Variants in PKIG observed in about 807,000 individuals in gnomAD.
PKIG encodes the protein cAMP-dependent protein kinase inhibitor gamma.
Under a neutral mutation model 6.8 loss-of-function variants are expected in PKIG, and 1 was observed. The ratio of observed to expected loss-of-function variants is 0.15; its 90% CI spans 0.05 to 0.69. The LOEUF (loss-of-function observed/expected upper bound fraction) is 0.69, where lower values mean the gene tolerates loss of function less well. PKIG is among the 30% of genes least tolerant of loss of function. The probability of loss-of-function intolerance (pLI) is 0.82; values close to 1 mark genes in which losing one functional copy is unlikely to be tolerated. For missense variants in PKIG, 77 were observed against 104.0 expected, an observed-to-expected ratio of 0.74 and a Z score of 1.13; for synonymous variants, 39 against 43.0, an observed-to-expected ratio of 0.91 and a Z score of 0.36.
intron 1 of PKIG, among the ~76,000 whole-genome samples, chr20:44,584,633 T>A (rs2064974923): frequency 6.6e-6 from 1 of 152,148 alleles, no homozygotes; most frequent in Non-Finnish European, 1.5e-5. Context: ...TCAGAGACCC[T>A]AATCCTCAGG....
intron 1 of PKIG, among the ~76,000 whole-genome samples, chr20:44,553,884 T>C (rs2064690362): frequency 6.6e-6 from 1 of 151,786 alleles, no homozygotes; most frequent in Non-Finnish European, 1.5e-5. Context: ...GTTAGGGGAA[T>C]GTGGGGTTGG....
rs1394911747 is a variant in PKIG, at chr20:44,618,415, GA to G, written c.*52del. 1 of 1,265,174 alleles carries G rather than the reference GA, an allele frequency of 7.9e-7. No individual in the cohort carries two copies. The highest frequency in any genetic ancestry group is 1.2e-6 in the Non-Finnish European group (1 of 861,976). 78.4% of individuals were successfully genotyped at this position (1,265,174 alleles called of 1,614,324 possible). On this transcript the variant is annotated 3_prime_UTR_variant, in exon 4 of 4. Coordinates refer to ENST00000372886, the MANE Select transcript of PKIG (RefSeq NM_001281445.2). ...ACGAGAGACCTTCTGTCCCCTCCCA[GA>G]GGGGGAACCCTGGCACTGGCCCAGC... is the stretch of plus-strand genomic sequence containing the variant.
At chr20:44,606,669 C>T (rs559776855) in intron 2 of PKIG, among the ~76,000 whole-genome samples, 175 of 152,156 alleles carry the variant, frequency 1.2e-3, no homozygotes, top group Non-Finnish European at 1.9e-3. Flanking sequence ...ATTAGCTGGG[C>T]GTGGTGGTGC....
At chr20:44,562,620 AG>A (rs1252542947) in intron 1 of PKIG, among the ~76,000 whole-genome samples, 2 of 151,004 alleles carry the variant, frequency 1.3e-5, no homozygotes, top group African/African-American at 4.9e-5. Flanking sequence ...AAAAAAAAAA[AG>A]AGTGCTTAAA....
At chr20:44,577,740 T>C (rs1356079026), upstream of PKIG, among the ~76,000 whole-genome samples, 1 of 152,180 alleles carries the variant, frequency 6.6e-6, no homozygotes, top group Non-Finnish European at 1.5e-5. Flanking sequence ...TGATGAGCGA[T>C]TGCACTGTAC....
chr20:44,564,599 G>C (rs2064795251), intron 1 of PKIG, among the ~76,000 whole-genome samples: 1 of 152,008 alleles, frequency 6.6e-6, no homozygotes, highest in Non-Finnish European at 1.5e-5. Context: ...TAGAGATGGG[G>C]TCTTGCTGTG....
intron 1 of PKIG, among the ~76,000 whole-genome samples, chr20:44,565,039 C>G (rs568959203): frequency 6.6e-6 from 1 of 152,300 alleles, no homozygotes; most frequent in South Asian, 2.1e-4. Flanking sequence ...TACTACTATG[C>G]TACTTGTTCT....
chr20:44,551,986 G>C (rs574681962), intron 1 of PKIG, among the ~76,000 whole-genome samples: 1 of 152,142 alleles, frequency 6.6e-6, no homozygotes, highest in Non-Finnish European at 1.5e-5. Context: ...AATCGGCTAG[G>C]AAATATTCGT....
At chr20:44,596,772 T>A (rs1304988375) in intron 2 of PKIG, among the ~76,000 whole-genome samples, 1 of 152,168 alleles carries the variant, frequency 6.6e-6, no homozygotes. Flanking sequence ...ACTCCCTTAC[T>A]GTCTGAAGGG....
Position 44,593,695 on chromosome 20 carries a change from A to C in PKIG, c.-24+3829A>C, listed in dbSNP as rs550619995. On this transcript the variant is annotated intron_variant, in intron 2 of 3. Transcript: ENST00000372886. ...TGGCGACCTAATGTACAGCATGGTA[A>C]TTACAGTTAATAATATGGTATTGTA... Among the ~76,000 whole-genome samples, 609 of 152,304 alleles carry C rather than the reference A, an allele frequency of 4.0e-3. 8 individuals are homozygous for C. Among genetic ancestry groups the C allele is most frequent in the African/African-American group, 0.013 (547 of 41,560 alleles).
rs1491224206 is a variant in PKIG, at chr20:44,610,484, CTT to C, written c.-23-4049_-23-4048del. Among the ~76,000 whole-genome samples the C allele has an allele frequency of 4.4e-4, 54 of 122,366 alleles. No individual in the cohort carries two copies. The East Asian group carries it at 8.0e-3, about 18-fold the overall frequency. The allele number at this position is 122,366 out of a possible 152,430, so 80.3% of individuals were successfully genotyped here. A position where few individuals can be genotyped will look rare whatever the true frequency, so the allele number is the denominator to read the frequency against. ...TCTTTCTCTCTCTCTCTCTCTCTCT[CTT>C]CTCTCTCTCTCTCTCACACACACAC... On this transcript the variant is annotated intron_variant, in intron 2 of 3. Coordinates refer to ENST00000372886, the MANE Select transcript of PKIG (RefSeq NM_001281445.2).
chr20:44,553,319 C>T (rs1046759692), intron 1 of PKIG, among the ~76,000 whole-genome samples: 2 of 152,164 alleles, frequency 1.3e-5, no homozygotes, highest in Non-Finnish European at 2.9e-5. Flanking sequence ...AAACCCTTGT[C>T]TAGACAAACC....
chr20:44,564,326 T>C (rs2064792499), intron 1 of PKIG: 1 of 152,198 alleles, frequency 6.6e-6, no homozygotes, highest in South Asian at 2.1e-4. Flanking sequence ...CAAAACTGCC[T>C]CTCCTCTACA....
chr20:44,578,258 G>A (rs545766541), upstream of PKIG, among the ~76,000 whole-genome samples: 8 of 150,418 alleles, frequency 5.3e-5, no homozygotes, highest in South Asian at 8.4e-4. Context: ...GGAGAATGGC[G>A]TGAACCTGGG....
At chr20:44,580,623 C>T (rs1361292492), upstream of PKIG, among the ~76,000 whole-genome samples, 1 of 151,978 alleles carries the variant, frequency 6.6e-6, no homozygotes, top group Non-Finnish European at 1.5e-5. Context: ...GCTAGGATTA[C>T]AGGTGTGAGC....
chr20:44,614,018 T>C lies in PKIG; in HGVS notation c.-23-516T>C, dbSNP rs1458506260. Among the ~76,000 whole-genome samples, 1 of 152,156 alleles carries C rather than the reference T, an allele frequency of 6.6e-6. No individual in the cohort carries two copies. Among genetic ancestry groups the C allele is most frequent in the African/African-American group, 2.4e-5 (1 of 41,444 alleles). On this transcript the variant is annotated intron_variant, in intron 2 of 3. Coordinates refer to ENST00000372886, the MANE Select transcript of PKIG (RefSeq NM_001281445.2). This position sits in a 1 kb window ranked among gnomAD's most constrained non-coding sequence, Gnocchi z 4.6. The stretch of plus-strand genomic sequence containing the variant: ...TCTGTAGTGCTCTTCCCCTCACTCT[T>C]CATCTGCATGACGCCTCGTCCTCCT...
chr20:44,567,867 C>T (rs529701017), intron 1 of PKIG, among the ~76,000 whole-genome samples: 1 of 152,184 alleles, frequency 6.6e-6, no homozygotes, highest in Non-Finnish European at 1.5e-5. Flanking sequence ...TATTATTTCA[C>T]TATTATAAAT....
chr20:44,542,888 C>T (rs1428476364), intron 1 of PKIG, among the ~76,000 whole-genome samples: 1 of 152,180 alleles, frequency 6.6e-6, no homozygotes, highest in Non-Finnish European at 1.5e-5. Flanking sequence ...CCACTGTGCC[C>T]AGCAGCTATA....
At chr20:44,590,573 T>C (rs1275962530) in intron 2 of PKIG, among the ~76,000 whole-genome samples, 1 of 152,234 alleles carries the variant, frequency 6.6e-6, no homozygotes, top group East Asian at 1.9e-4. Flanking sequence ...ACAAATCTGG[T>C]GAATTTCTTT....
Sources: gnomAD v4.1 joint callset for allele counts (sites outside exome capture counted in the v4.1 genomes callset) on GRCh38, gnomAD v4.1.1 for gene constraint, Gnocchi (gnomAD v3.1) non-coding constraint, MANE v1.5 for transcripts, NCBI Gene and HGNC (gene_info 2026-07-23, HGNC 2026-07-21) for gene names.